The following SORCS2 variants were observed in gnomAD, a reference collection of about 807,000 sequenced individuals.
SORCS2 encodes VPS10 domain-containing receptor SorCS2.
A neutral mutation model predicts 141.6 loss-of-function variants in SORCS2; 100 were observed. The observed-to-expected ratio is 0.71, with a 90% CI of 0.60 to 0.83. The LOEUF (loss-of-function observed/expected upper bound fraction) is 0.83, where lower values mean the gene tolerates loss of function less well. Ranked by LOEUF, SORCS2 falls within the 40% of genes least tolerant of loss-of-function variation. The pLI is 0.00. For missense variants in SORCS2, 1,646 were observed against 1,560.2 expected, an observed-to-expected ratio of 1.05 and a Z score of -0.93; for synonymous variants, 789 against 676.9, an observed-to-expected ratio of 1.17 and a Z score of -2.57.
chr4:7,389,814 G>C (rs1285250713), intron 1 of SORCS2, among the ~76,000 whole-genome samples: 1 of 152,196 alleles, frequency 6.6e-6, no homozygotes, highest in Non-Finnish European at 1.5e-5. Context: ...AAGGGGGTGT[G>C]TTTGGAGTGC....
chr4:7,271,746 G>A (rs1274161230), intron 1 of SORCS2, among the ~76,000 whole-genome samples: 1 of 152,270 alleles, frequency 6.6e-6, no homozygotes, highest in African/African-American at 2.4e-5. Context: ...TGAGTGGGCT[G>A]CCCAAGTTCT....
intron 1 of SORCS2, among the ~76,000 whole-genome samples, chr4:7,321,343 G>A (rs183481389): frequency 2.0e-5 from 3 of 152,196 alleles, no homozygotes; most frequent in Admixed American, 2.0e-4. Flanking sequence ...TCACTCATTG[G>A]TTGATGGGCA....
At chr4:7,618,596 G>A (rs1306550999) in intron 3 of SORCS2, among the ~76,000 whole-genome samples, 1 of 152,056 alleles carries the variant, frequency 6.6e-6, no homozygotes, top group Non-Finnish European at 1.5e-5. Flanking sequence ...TTCTCCAAAC[G>A]CCAAGTTTGG....
chr4:7,494,004 AAC>A (rs952772179), intron 2 of SORCS2, among the ~76,000 whole-genome samples: 2 of 149,396 alleles, frequency 1.3e-5, no homozygotes, highest in Admixed American at 6.7e-5. Flanking sequence ...TATACACACA[AAC>A]ACACACACAC....
rs191934163 is a variant in SORCS2, at chr4:7,233,326, G to C, written c.480+40200G>C. On this transcript the variant is annotated intron_variant, in intron 1 of 26. Coordinates refer to ENST00000507866, the MANE Select transcript of SORCS2 (RefSeq NM_020777.3). The surrounding 1 kb of genome is among the most constrained non-coding windows in gnomAD (Gnocchi z 4.5). ...CACGGTGGGGACAGGAGCACATCCA[G>C]GGTGTCATCATGATGACGTCTCCTG... Among the ~76,000 whole-genome samples, 1 of 152,272 alleles carries C rather than the reference G, an allele frequency of 6.6e-6. No homozygotes were observed. Among genetic ancestry groups the C allele is most frequent in the Non-Finnish European group, 1.5e-5 (1 of 68,012 alleles).
At position 7,733,306 on chromosome 4, in the gene SORCS2, C is replaced by A. The variant is rs1397410148; in HGVS notation, c.3109-16C>A. ...CTCCATGGAGGCCTCACTCACTGTC[C>A]CCTCTGTGCTTGCAGAGGCTCGCCG... On this transcript the variant is annotated splice_polypyrimidine_tract_variant and intron_variant, in intron 23 of 26. Coordinates refer to ENST00000507866, the MANE Select transcript of SORCS2 (RefSeq NM_020777.3). The A allele has an allele frequency of 7.2e-6, 11 of 1,533,298 alleles. No individual in the cohort carries two copies. The highest frequency in any genetic ancestry group is 9.7e-6 in the Non-Finnish European group (11 of 1,134,008). The allele number at this position is 1,533,298 out of a possible 1,614,324, so 95.0% of individuals were successfully genotyped here. A position where few individuals can be genotyped will look rare whatever the true frequency, so the allele number is the denominator to read the frequency against.
intron 2 of SORCS2, among the ~76,000 whole-genome samples, chr4:7,398,574 C>T (rs1349137329): frequency 6.6e-6 from 1 of 152,194 alleles, no homozygotes; most frequent in Admixed American, 6.5e-5. Flanking sequence ...CAAAGTTCAC[C>T]CACATCCCTA....
At chr4:7,409,566 C>A (rs191150841) in intron 2 of SORCS2, among the ~76,000 whole-genome samples, 4 of 152,312 alleles carry the variant, frequency 2.6e-5, no homozygotes, top group Admixed American at 2.6e-4. Context: ...TGGATCATGG[C>A]AGGAACAGTC....
At chr4:7,400,533 G>T (rs1724509807) in intron 2 of SORCS2, among the ~76,000 whole-genome samples, 1 of 152,066 alleles carries the variant, frequency 6.6e-6, no homozygotes, top group African/African-American at 2.4e-5. Context: ...AGACCTGCCA[G>T]GTTTATCTTA....
At chr4:7,298,914 G>A (rs1717250134) in intron 1 of SORCS2, among the ~76,000 whole-genome samples, 1 of 152,238 alleles carries the variant, frequency 6.6e-6, no homozygotes, top group African/African-American at 2.4e-5. Flanking sequence ...ACAAGTGTTT[G>A]TCCTCTTCTG....
intron 3 of SORCS2, among the ~76,000 whole-genome samples, chr4:7,631,497 C>T (rs1405280543): frequency 1.3e-5 from 2 of 152,152 alleles, no homozygotes; most frequent in Admixed American, 1.3e-4. Flanking sequence ...CCTGTGTGAG[C>T]TGTGTCTCAT....
At chr4:7,715,948 A>G (rs1047364506) in intron 17 of SORCS2, among the ~76,000 whole-genome samples, 1 of 152,220 alleles carries the variant, frequency 6.6e-6, no homozygotes, top group African/African-American at 2.4e-5. Flanking sequence ...CACAACACAC[A>G]GTAGGTGTTC....
chr4:7,731,553 C>G (rs1205006313), intron 23 of SORCS2, among the ~76,000 whole-genome samples: 1 of 152,212 alleles, frequency 6.6e-6, no homozygotes, highest in African/African-American at 2.4e-5. Flanking sequence ...GTCACACTCC[C>G]TGACTTCACA....
rs113084301 is a variant in SORCS2, at chr4:7,472,646, C to T, written c.549-58884C>T. Among the ~76,000 whole-genome samples, 682 of 152,248 alleles carry T rather than the reference C, an allele frequency of 4.5e-3. 6 individuals are homozygous for T. The highest frequency in any genetic ancestry group is 8.2e-3 in the Non-Finnish European group (559 of 68,024). ...ACACGCCGCGCTTCTGGGAAGGACA[C>T]GGGAGGGCAGACTAAAGCCGGAAGA... On this transcript the variant is annotated intron_variant, in intron 2 of 26. Coordinates refer to ENST00000507866, the MANE Select transcript of SORCS2 (RefSeq NM_020777.3).
chr4:7,435,051 C>G (rs1032911473), intron 2 of SORCS2: 1 of 729,858 alleles, frequency 1.4e-6, no homozygotes, highest in Non-Finnish European at 2.2e-6. Context: ...CGCCTTTGCT[C>G]TTGGAGTGCC....
At chr4:7,485,604 C>CTCTTGTTATTTTTCCTTTCCTA (rs1730930026) in intron 2 of SORCS2, among the ~76,000 whole-genome samples, 2 of 152,246 alleles carry the variant, frequency 1.3e-5, no homozygotes, top group African/African-American at 4.8e-5. Flanking sequence ...CAATGGAAAA[C>CTCTTGTTATTTTTCCTTTCCTA]ACGGGAAGGA....
intron 1 of SORCS2, among the ~76,000 whole-genome samples, chr4:7,242,347 A>G (rs915811821): frequency 1.3e-5 from 2 of 151,904 alleles, no homozygotes; most frequent in Non-Finnish European, 2.9e-5. Flanking sequence ...GGCATGCACC[A>G]CCACGCCTGG....
intron 3 of SORCS2, among the ~76,000 whole-genome samples, chr4:7,558,370 C>A (rs1714285666): frequency 6.6e-6 from 1 of 152,108 alleles, no homozygotes; most frequent in South Asian, 2.1e-4. Flanking sequence ...TTGTGACAAC[C>A]AAAAATGTAC....
intron 3 of SORCS2, among the ~76,000 whole-genome samples, chr4:7,578,937 G>A (rs1391036979): frequency 6.6e-6 from 1 of 152,204 alleles, no homozygotes; most frequent in African/African-American, 2.4e-5. Flanking sequence ...GTCTGGCTGT[G>A]GGTGGATGTC....
Sources: gnomAD v4.1 joint callset for allele counts (sites outside exome capture counted in the v4.1 genomes callset) on GRCh38, gnomAD v4.1.1 for gene constraint, Gnocchi (gnomAD v3.1) non-coding constraint, MANE v1.5 for transcripts, NCBI Gene and HGNC (gene_info 2026-07-23, HGNC 2026-07-21) for gene names.